The following TEX11 variants were observed in gnomAD, a reference collection of about 807,000 sequenced individuals.
The protein encoded by TEX11 is testis expressed 11, also known as testis-expressed protein 11.
TEX11 carries 7 observed loss-of-function variants against 84.4 expected under a neutral mutation model. The ratio of observed to expected loss-of-function variants is 0.08; its 90% CI spans 0.05 to 0.16. The LOEUF (loss-of-function observed/expected upper bound fraction) is 0.16. Among genes scored for constraint, TEX11 ranks in the 10% least tolerant of loss-of-function variants. TEX11 has a pLI of 1.00. For missense variants in TEX11, 551 were observed against 660.5 expected, an observed-to-expected ratio of 0.83 and a Z score of 1.82; for synonymous variants, 264 against 222.8, an observed-to-expected ratio of 1.18 and a Z score of -1.64.
intron 15 of TEX11, among the ~76,000 whole-genome samples, chrX:70,677,800 CTTTT>C (rs1290619000): frequency 9.4e-4 from 81 of 86,568 alleles, no homozygotes; most frequent in Non-Finnish European, 1.6e-3. Flanking sequence ...TTCTTTCTTT[CTTTT>C]CTTTCCTTTT....
At chrX:70,686,734 T>C (rs1476203044) in intron 13 of TEX11, among the ~76,000 whole-genome samples, 2 of 110,399 alleles carry the variant, frequency 1.8e-5, no homozygotes, top group African/African-American at 6.6e-5. Flanking sequence ...CCAGTAAAAT[T>C]AGAATTTCAG....
chrX:70,726,853 A>G (rs772596943), intron 11 of TEX11, among the ~76,000 whole-genome samples: 2 of 97,843 alleles, frequency 2.0e-5, no homozygotes, highest in Admixed American at 1.1e-4. Context: ...TCATTATTTG[A>G]GACAGAGTCT....
At chrX:70,771,417 T>C (rs190231663) in intron 9 of TEX11, among the ~76,000 whole-genome samples, 2 of 112,516 alleles carry the variant, frequency 1.8e-5, no homozygotes, top group African/African-American at 6.4e-5. Flanking sequence ...TCTTCTGTTA[T>C]TTTACCAATT....
At chrX:70,521,526 C>T in the TEX11 span, among the ~76,000 whole-genome samples, 5 of 111,651 alleles carry the variant, frequency 4.5e-5, no homozygotes, top group East Asian at 1.4e-3. Context: ...ATCTGCCCTC[C>T]CTGGCCTCTC....
At chrX:70,735,309 C>T (rs2090687596) in intron 11 of TEX11, among the ~76,000 whole-genome samples, 1 of 111,714 alleles carries the variant, frequency 9.0e-6, no homozygotes, top group South Asian at 3.7e-4. Flanking sequence ...ACCTCAGCCT[C>T]CCAAAGTACT....
At chrX:70,839,581 G>A (rs1319737622) in intron 7 of TEX11, among the ~76,000 whole-genome samples, 1 of 111,911 alleles carries the variant, frequency 8.9e-6, no homozygotes, top group South Asian at 3.7e-4. Flanking sequence ...AAGTCAGAGC[G>A]CCTCTCCTCC....
chrX:70,720,720 G>A (rs993747603), intron 13 of TEX11, among the ~76,000 whole-genome samples: 27 of 104,242 alleles, frequency 2.6e-4, no homozygotes, highest in African/African-American at 9.3e-4. Flanking sequence ...TCCTTTTCTT[G>A]AATTATTTTT....
At chrX:70,525,448 G>A (rs753445199), downstream of TEX11, among the ~76,000 whole-genome samples, 1 of 110,146 alleles carries the variant, frequency 9.1e-6, no homozygotes, top group South Asian at 4.0e-4. Context: ...TTAGCCGAGT[G>A]TGGTGGCACT....
chrX:70,754,511 T>C (rs147829956), intron 9 of TEX11, among the ~76,000 whole-genome samples: 3 of 111,862 alleles, frequency 2.7e-5, no homozygotes, highest in African/African-American at 9.7e-5. Flanking sequence ...TACTCTTCTG[T>C]GGTGTGGGGG....
chrX:70,564,089 C>T (rs923326421), intron 25 of TEX11, among the ~76,000 whole-genome samples: 2 of 111,544 alleles, frequency 1.8e-5, no homozygotes, highest in African/African-American at 3.3e-5. Flanking sequence ...ATTAGCTGGG[C>T]GTGGTGGTGC....
rs1260275221 is a variant in TEX11, at chrX:70,908,358, C to T, written c.-22+296G>A. ...TGCCCCCAACGGTCATCAACAGTCC[C>T]GCTTCAACGTAATTTAGGTCCTTTA... On this transcript the variant is annotated intron_variant, in intron 1 of 29. Coordinates refer to ENST00000374333, the MANE Select transcript of TEX11 (RefSeq NM_031276.3). Among the ~76,000 whole-genome samples the T allele has an allele frequency of 3.7e-5, 4 of 109,371 alleles. No individual in the cohort carries two copies. In the East Asian group the frequency reaches 8.6e-4, roughly 24 times the overall value. The allele number at this position is 109,371 out of a possible 115,157, so 95.0% of individuals were successfully genotyped here.
At chrX:70,790,169 T>C (rs969896389) in intron 9 of TEX11, among the ~76,000 whole-genome samples, 1 of 111,609 alleles carries the variant, frequency 9.0e-6, no homozygotes, top group Non-Finnish European at 1.9e-5. Context: ...AAGTACAAAC[T>C]TGGATAAGGA....
intron 23 of TEX11, among the ~76,000 whole-genome samples, 184 bp downstream of exon 23, chrX:70,606,775 C>T (rs1288081529): frequency 9.0e-6 from 1 of 111,407 alleles, no homozygotes; most frequent in Non-Finnish European, 1.9e-5. Context: ...GAAAGATATG[C>T]CCCACATTCT....
intron 4 of TEX11, among the ~76,000 whole-genome samples, chrX:70,861,977 T>A (rs1282166520): frequency 9.0e-6 from 1 of 110,933 alleles, no homozygotes; most frequent in African/African-American, 3.3e-5. Flanking sequence ...TGTGAAACTT[T>A]CTAAATATAT....
At chrX:70,885,508 A>G (rs1345680482) in intron 2 of TEX11, among the ~76,000 whole-genome samples, 1 of 111,850 alleles carries the variant, frequency 8.9e-6, no homozygotes, top group African/African-American at 3.2e-5. Context: ...AAAAAATCTC[A>G]ACATCACTAA....
intron 9 of TEX11, among the ~76,000 whole-genome samples, chrX:70,800,777 C>A (rs2147803215): frequency 9.5e-6 from 1 of 104,987 alleles, no homozygotes; most frequent in East Asian, 3.0e-4. Context: ...ACTGCAGCCT[C>A]GACCTCCTGG....
chrX:70,581,128 A>T (rs1489290627), intron 25 of TEX11, among the ~76,000 whole-genome samples: 1 of 108,892 alleles, frequency 9.2e-6, no homozygotes, highest in Non-Finnish European at 1.9e-5. Flanking sequence ...CAGCCTCCCG[A>T]GTAGCTGGGA....
At chrX:70,901,065 A>T (rs1049134830) in intron 2 of TEX11, among the ~76,000 whole-genome samples, 11 of 111,834 alleles carry the variant, frequency 9.8e-5, no homozygotes, top group Non-Finnish European at 1.9e-4. Flanking sequence ...CAAAAATACA[A>T]AAATTAGTCA....
At chrX:70,859,370 G>C (rs2091556037) in intron 5 of TEX11, among the ~76,000 whole-genome samples, 1 of 106,184 alleles carries the variant, frequency 9.4e-6, no homozygotes, top group Non-Finnish European at 1.9e-5. Context: ...TTGAGGTCAG[G>C]AGTTCAAGAC....
Sources: allele counts gnomAD v4.1 joint callset (sites outside exome capture counted in the v4.1 genomes callset), GRCh38; gene constraint gnomAD v4.1.1; transcripts MANE v1.5; gene names NCBI Gene and HGNC (gene_info 2026-07-23, HGNC 2026-07-21).